Variants in OXR1 observed in about 807,000 individuals in gnomAD.
OXR1 encodes the protein oxidation resistance 1.
In OXR1, 41 loss-of-function variants were observed where a neutral mutation model predicts 104.6. That is an observed-to-expected ratio of 0.39 (90% confidence interval 0.31 to 0.51). The LOEUF is 0.51. Ranked by LOEUF, OXR1 falls within the 20% of genes least tolerant of loss-of-function variation. The pLI is 0.77. For synonymous variants in OXR1, 348 were observed against 348.4 expected (o/e 1.00, Z 0.01); for missense variants, 955 against 1,031.9 (o/e 0.93, Z 1.02).
At chr8:106,711,948 C>T (rs1831734455) in intron 10 of OXR1, among the ~76,000 whole-genome samples, 1 of 152,022 alleles carries the variant, frequency 6.6e-6, no homozygotes, top group South Asian at 2.1e-4. Context: ...AGGTATTACA[C>T]ATAAAAAGTA....
chr8:106,301,491 T>C (rs1170677583), intron 1 of OXR1, among the ~76,000 whole-genome samples: 3 of 152,214 alleles, frequency 2.0e-5, no homozygotes, highest in African/African-American at 2.4e-5. Flanking sequence ...TTTAGGCCCA[T>C]CTAACTTTTG....
chr8:106,703,221 T>C (rs1015532475), intron 8 of OXR1, 131 bp downstream of exon 8: 6 of 582,482 alleles, frequency 1.0e-5, no homozygotes, highest in African/African-American at 5.6e-5. Context: ...AACGAAAATA[T>C]ATGCATTATT....
intron 11 of OXR1, among the ~76,000 whole-genome samples, chr8:106,722,834 T>G (rs532233803): frequency 6.6e-6 from 1 of 152,360 alleles, no homozygotes; most frequent in East Asian, 1.9e-4. Context: ...ATTTCTATGT[T>G]GAGAACCTGT....
intron 7 of OXR1, among the ~76,000 whole-genome samples, chr8:106,700,233 T>A (rs982902334): frequency 3.3e-5 from 5 of 152,176 alleles, no homozygotes; most frequent in Non-Finnish European, 7.4e-5. Flanking sequence ...ATAATCCTGA[T>A]AATATGTAGG....
intron 2 of OXR1, among the ~76,000 whole-genome samples, chr8:106,512,883 A>T (rs1812630137): frequency 6.6e-6 from 1 of 152,162 alleles, no homozygotes; most frequent in East Asian, 1.9e-4. Context: ...AAGATTTGCT[A>T]CAAAGAAAGC....
intron 3 of OXR1, among the ~76,000 whole-genome samples, chr8:106,555,930 A>G (rs796932555): frequency 3.7e-5 from 4 of 109,588 alleles, no homozygotes; most frequent in East Asian, 7.0e-4. Flanking sequence ...ATATATATGT[A>G]CATATATATA....
At chr8:106,411,921 C>T (rs1818471631) in intron 2 of OXR1, among the ~76,000 whole-genome samples, 1 of 152,116 alleles carries the variant, frequency 6.6e-6, no homozygotes, top group Non-Finnish European at 1.5e-5. Context: ...AGCCAAAGTG[C>T]TCAGGATCCA....
intron 3 of OXR1, among the ~76,000 whole-genome samples, chr8:106,675,588 T>C (rs958327952): frequency 6.6e-6 from 1 of 152,236 alleles, no homozygotes; most frequent in Non-Finnish European, 1.5e-5. Flanking sequence ...ATTATTCAGT[T>C]TCCATGTAAT....
At chr8:106,627,131 G>A (rs1477367298) in intron 3 of OXR1, among the ~76,000 whole-genome samples, 2 of 152,230 alleles carry the variant, frequency 1.3e-5, no homozygotes, top group South Asian at 2.1e-4. Context: ...TCCGTAAAGG[G>A]AAGAATTCAG....
intron 3 of OXR1, among the ~76,000 whole-genome samples, chr8:106,561,064 C>T (rs1046995314): frequency 6.6e-6 from 1 of 152,126 alleles, no homozygotes; most frequent in Middle Eastern, 3.2e-3. Flanking sequence ...CCCTGGGTTT[C>T]AAGCACAAAA....
intron 3 of OXR1, among the ~76,000 whole-genome samples, chr8:106,526,733 C>CG (rs1813709432): frequency 2.6e-5 from 4 of 152,248 alleles, no homozygotes; most frequent in Non-Finnish European, 5.9e-5. Flanking sequence ...TTAGTAGAGA[C>CG]AGGTTTTCAC....
intron 3 of OXR1, among the ~76,000 whole-genome samples, chr8:106,537,605 A>G (rs1361990368): frequency 6.6e-6 from 1 of 152,204 alleles, no homozygotes; most frequent in East Asian, 1.9e-4. Context: ...TGGGTGCAGC[A>G]AACGAACATG....
chr8:106,738,664 C>T (rs189966856), intron 12 of OXR1, among the ~76,000 whole-genome samples: 280 of 151,178 alleles, frequency 1.9e-3, no homozygotes, highest in Non-Finnish European at 2.9e-3. Flanking sequence ...AAAAAGTAAG[C>T]ACCAATAGAA....
intron 2 of OXR1, among the ~76,000 whole-genome samples, chr8:106,369,288 T>G (rs2130369740): frequency 6.6e-6 from 1 of 152,378 alleles, no homozygotes; most frequent in East Asian, 1.9e-4. Flanking sequence ...TTGTAAATTC[T>G]GAATATTAGA....
chr8:106,504,628 T>G (rs942054979), intron 2 of OXR1, among the ~76,000 whole-genome samples: 1 of 152,236 alleles, frequency 6.6e-6, no homozygotes, highest in African/African-American at 2.4e-5. Context: ...CATTAATAGT[T>G]GAACTAGGCT....
At chr8:106,519,369 T>C (rs1484747049) in intron 3 of OXR1, among the ~76,000 whole-genome samples, 4 of 152,214 alleles carry the variant, frequency 2.6e-5, no homozygotes, top group Non-Finnish European at 5.9e-5. Flanking sequence ...TATCCTAACC[T>C]AGGGGAAGTA....
At chr8:106,551,811 T>TATATAC (rs1554592475) in intron 3 of OXR1, among the ~76,000 whole-genome samples, 1 of 97,900 alleles carries the variant, frequency 1.0e-5, no homozygotes, top group African/African-American at 3.7e-5. Context: ...TATATATATA[T>TATATAC]ATACACACAC....
chr8:106,725,935 A>G, intron 11 of OXR1: 1 of 274,800 alleles, frequency 3.6e-6, no homozygotes. Flanking sequence ...ATGTTTGGAA[A>G]TATAGGCTCT....
At chr8:106,272,256 A>T (rs1266210689) in intron 1 of OXR1, 1 of 152,204 alleles carries the variant, frequency 6.6e-6, no homozygotes, top group African/African-American at 2.4e-5. Context: ...GCGTTGGGTG[A>T]GAGTGGGGGA....
Sources: gnomAD v4.1 joint callset for allele counts (sites outside exome capture counted in the v4.1 genomes callset) on GRCh38, gnomAD v4.1.1 for gene constraint, MANE v1.5 for transcripts, NCBI Gene and HGNC (gene_info 2026-07-23, HGNC 2026-07-21) for gene names.